SIPA1L1: variants seen among roughly 807,000 people sequenced by gnomAD.
SIPA1L1 encodes the protein signal induced proliferation associated 1 like 1.
Under a neutral mutation model 162.7 loss-of-function variants are expected in SIPA1L1, and 26 were observed. The ratio of observed to expected loss-of-function variants is 0.16; its 90% CI spans 0.12 to 0.22. The LOEUF is 0.22. Among genes scored for constraint, SIPA1L1 ranks in the 10% least tolerant of loss-of-function variants. The pLI is 1.00. For synonymous variants in SIPA1L1, 829 were observed against 837.4 expected (o/e 0.99, Z 0.17); for missense variants, 1,874 against 2,241.0 (o/e 0.84, Z 3.31).
chr14:71,711,490 C>T (rs1311985366), intron 17 of SIPA1L1, among the ~76,000 whole-genome samples: 1 of 152,158 alleles, frequency 6.6e-6, no homozygotes, highest in Non-Finnish European at 1.5e-5. Flanking sequence ...AGGAGGATGC[C>T]TTTTTTTAAG....
chr14:71,506,593 A>C (rs2050689895), intron 2 of SIPA1L1, among the ~76,000 whole-genome samples: 1 of 152,066 alleles, frequency 6.6e-6, no homozygotes, highest in African/African-American at 2.4e-5. Flanking sequence ...CACCCGCCTC[A>C]ACCTCCCAAA....
At chr14:71,638,775 C>G (rs1428616011) in intron 7 of SIPA1L1, among the ~76,000 whole-genome samples, 1 of 152,206 alleles carries the variant, frequency 6.6e-6, no homozygotes, top group African/African-American at 2.4e-5. Flanking sequence ...GATAAACAAC[C>G]TGGAACTGCA....
chr14:71,372,274 A>C (rs1595072833), intron 2 of SIPA1L1, among the ~76,000 whole-genome samples: 1 of 152,252 alleles, frequency 6.6e-6, no homozygotes, highest in Non-Finnish European at 1.5e-5. Context: ...GTATGCATAG[A>C]TTCAAATAAA....
chr14:71,690,527 T>C (rs1398164766), intron 13 of SIPA1L1, among the ~76,000 whole-genome samples: 2 of 152,146 alleles, frequency 1.3e-5, no homozygotes, highest in African/African-American at 4.8e-5. Context: ...GGATCACAGG[T>C]GAGAGCCACT....
chr14:71,568,815 A>G (rs2031325354), intron 4 of SIPA1L1, among the ~76,000 whole-genome samples: 1 of 152,330 alleles, frequency 6.6e-6, no homozygotes. Flanking sequence ...CCGTTTTGTA[A>G]AAGTTTAACA....
intron 2 of SIPA1L1, among the ~76,000 whole-genome samples, chr14:71,350,813 T>C (rs533411683): frequency 6.6e-6 from 1 of 152,340 alleles, no homozygotes; most frequent in African/African-American, 2.4e-5. Context: ...TGCTGTCTTT[T>C]GATTTCAACG....
intron 2 of SIPA1L1, among the ~76,000 whole-genome samples, chr14:71,363,630 G>A (rs746126881): frequency 2.6e-5 from 4 of 152,150 alleles, no homozygotes; most frequent in Non-Finnish European, 5.9e-5. Flanking sequence ...AATTTTAAAT[G>A]ATTGTCATCT....
At position 71,632,810 on chromosome 14, in the gene SIPA1L1, G is replaced by A. The variant is rs549838789; in HGVS notation, c.1818+8574G>A. On this transcript the variant is annotated intron_variant, in intron 7 of 23. Coordinates refer to ENST00000381232, the MANE Select transcript of SIPA1L1 (RefSeq NM_001386936.1). ...GTGTTGCTTTCCCTTAGGTGTCATGGAGGGAACTTGATGTTCAACCCCACC... is the reference window on the plus strand; with the variant it reads ...GTGTTGCTTTCCCTTAGGTGTCATGAAGGGAACTTGATGTTCAACCCCACC... Among the ~76,000 whole-genome samples the A allele has an allele frequency of 5.9e-5, 9 of 152,264 alleles. No homozygotes were observed. The South Asian group carries it at 1.2e-3, about 21-fold the overall frequency.
chr14:71,560,316 C>T (rs907351772), intron 4 of SIPA1L1, among the ~76,000 whole-genome samples: 25 of 152,308 alleles, frequency 1.6e-4, no homozygotes, highest in Admixed American at 1.6e-3. Flanking sequence ...CAGTCCAGGG[C>T]TGTTACACAT....
At chr14:71,736,918 C>T (rs185354805) in intron 22 of SIPA1L1, among the ~76,000 whole-genome samples, 6 of 152,308 alleles carry the variant, frequency 3.9e-5, no homozygotes, top group Admixed American at 2.0e-4. Context: ...AGTGGCTTTG[C>T]GAAGGATACC....
rs1252425480 is a variant in SIPA1L1 at position 71,369,742 on chromosome 14, T to C, written c.-465+48561T>C. Among the ~76,000 whole-genome samples, 33 of 136,110 alleles carry C rather than the reference T, an allele frequency of 2.4e-4. No individual in the cohort carries two copies. The East Asian group carries it at 7.1e-3, about 29-fold the overall frequency. The allele number at this position is 136,110 out of a possible 152,430, so 89.3% of individuals were successfully genotyped here. On this transcript the variant is annotated intron_variant, in intron 2 of 23. Transcript: ENST00000381232. The stretch of plus-strand genomic sequence containing the variant: ...ATGGGGATGGCATTGAATCTGTAAA[T>C]TACCTTGGGCAGTATGGCCATTTTC...
chr14:71,475,267 A>C (rs1343701179), intron 2 of SIPA1L1, among the ~76,000 whole-genome samples: 1 of 152,254 alleles, frequency 6.6e-6, no homozygotes, highest in Non-Finnish European at 1.5e-5. Context: ...TTAAAAGCTT[A>C]TCTGTTCCTG....
At chr14:71,562,694 T>G (rs2056892134) in intron 4 of SIPA1L1, among the ~76,000 whole-genome samples, 1 of 152,228 alleles carries the variant, frequency 6.6e-6, no homozygotes. Context: ...AATGTGTGAC[T>G]TCTTAATTTA....
chr14:71,591,835 C>G (rs936700641), intron 5 of SIPA1L1, among the ~76,000 whole-genome samples: 2 of 152,126 alleles, frequency 1.3e-5, no homozygotes, highest in African/African-American at 4.8e-5. Context: ...AATTTTTTCT[C>G]ATTTTTTCAT....
chr14:71,525,690 A>G (rs1302456217), intron 3 of SIPA1L1, among the ~76,000 whole-genome samples: 3 of 152,176 alleles, frequency 2.0e-5, no homozygotes, highest in Non-Finnish European at 4.4e-5. Flanking sequence ...GTTAGATTGG[A>G]AGAAATTGTT....
intron 8 of SIPA1L1, among the ~76,000 whole-genome samples, chr14:71,652,587 A>G (rs1014751482): frequency 2.7e-5 from 4 of 150,348 alleles, no homozygotes; most frequent in Admixed American, 6.6e-5. Context: ...CATATGTTAT[A>G]TCACTCACTG....
intron 2 of SIPA1L1, among the ~76,000 whole-genome samples, chr14:71,360,891 A>G (rs1267043244): frequency 2.0e-5 from 3 of 152,192 alleles, no homozygotes; most frequent in Non-Finnish European, 4.4e-5. Flanking sequence ...ACCTTAAGAA[A>G]GGATTGTTAT....
intron 2 of SIPA1L1, among the ~76,000 whole-genome samples, chr14:71,450,143 G>T (rs949459047): frequency 6.6e-6 from 1 of 151,694 alleles, no homozygotes; most frequent in South Asian, 2.1e-4. Context: ...TTTCTATTAC[G>T]ATTATTTACA....
Position 71,685,468 on chromosome 14 carries a change from A to C in SIPA1L1, c.3211A>C (p.Asn1071His). 6.2e-7 allele frequency: 1 copy of C among 1,614,224 alleles called. No homozygotes were observed. Among genetic ancestry groups the C allele is most frequent in the Non-Finnish European group, 8.5e-7 (1 of 1,180,042 alleles). The change falls in exon 13 of 24, where the codon AAC (asparagine) becomes CAC (histidine). Residue 1071 changes from asparagine (N) to histidine (H), a missense_variant. By Grantham distance (68) the Asn-to-His change is moderately conservative (BLOSUM62 1). This residue lies in a region of SIPA1L1 where 936 missense variants were observed against 1,051.9 expected (regional missense o/e 0.89). Transcript: ENST00000381232. Reference protein sequence around the residue: ...PFRNNNKWQRNASKGPHSPQV... With the variant: ...PFRNNNKWQRHASKGPHSPQV... ...CCGAAATAATAACAAGTGGCAGAGG[A>C]ACGCCAGCAAGGGGCCTCATTCACC...
Sources: gnomAD v4.1 joint callset for allele counts (sites outside exome capture counted in the v4.1 genomes callset) on GRCh38, gnomAD v4.1.1 for gene constraint, gnomAD v4.1.1 regional missense constraint, MANE v1.5 for transcripts, NCBI Gene and HGNC (gene_info 2026-07-23, HGNC 2026-07-21) for gene names.